CECR2: variants seen among roughly 807,000 people sequenced by gnomAD.
The protein encoded by CECR2 is CECR2 histone acetyl-lysine reader.
A neutral mutation model predicts 154.5 loss-of-function variants in CECR2; 30 were observed. That is an observed-to-expected ratio of 0.19 (90% CI 0.15 to 0.26). CECR2 has a LOEUF of 0.26. Ranked by LOEUF, CECR2 falls within the 10% of genes least tolerant of loss-of-function variation. The pLI, the probability that CECR2 is intolerant of heterozygous loss-of-function variation, is 1.00. For synonymous variants in CECR2, 725 were observed against 683.7 expected, an observed-to-expected ratio of 1.06 and a Z score of -0.94; for missense variants, 1,743 against 1,829.3, an observed-to-expected ratio of 0.95 and a Z score of 0.86.
At chr22:17,538,072 G>A (rs947475017) in intron 10 of CECR2, among the ~76,000 whole-genome samples, 7 of 151,502 alleles carry the variant, frequency 4.6e-5, no homozygotes, top group Admixed American at 1.3e-4. Flanking sequence ...ACAAAAACTC[G>A]CCAGGCATGG....
intron 1 of CECR2, among the ~76,000 whole-genome samples, chr22:17,417,641 C>T (rs2146590308): frequency 6.6e-6 from 1 of 152,174 alleles, no homozygotes; most frequent in South Asian, 2.1e-4. Context: ...TTTTTTGAGA[C>T]AGACCCTTGT....
chr22:17,510,760 C>T (rs2055932103), intron 7 of CECR2, among the ~76,000 whole-genome samples: 1 of 152,094 alleles, frequency 6.6e-6, no homozygotes, highest in South Asian at 2.1e-4. Context: ...CACCACCATG[C>T]CTGGCTAATT....
intron 1 of CECR2, among the ~76,000 whole-genome samples, chr22:17,394,194 C>T (rs1291570738): frequency 1.7e-5 from 2 of 117,278 alleles, no homozygotes; most frequent in Non-Finnish European, 3.5e-5. Flanking sequence ...GCTGCTGCCG[C>T]TGCTTTTTTT....
intron 2 of CECR2, among the ~76,000 whole-genome samples, chr22:17,495,751 A>T (rs1185060371): frequency 6.7e-6 from 1 of 148,606 alleles, no homozygotes. Flanking sequence ...AGTCCCAGCT[A>T]CTCGGGAGGC....
At position 17,511,836 on chromosome 22, in the gene CECR2, G is replaced by A; in HGVS notation, c.894G>A (p.Lys298=). The A allele has an allele frequency of 1.2e-6, 2 of 1,612,500 alleles. No individual in the cohort carries two copies. ...AQKGKRPQRT[K]AELHPRWMSD... ...AGGGAAAACGTCCACAGCGCACAAAGGCAGAGTTGCATCCTAGGTGGATGT... is the reference window on the plus strand; with the variant it reads ...AGGGAAAACGTCCACAGCGCACAAAAGCAGAGTTGCATCCTAGGTGGATGT... The change falls in exon 8 of 19, where the codon AAG becomes AAA. Residue 298 remains lysine, a synonymous_variant. Coordinates refer to ENST00000262608, the MANE Select transcript of CECR2 (RefSeq NM_001290047.2).
chr22:17,416,052 T>C (rs995118051), intron 1 of CECR2, among the ~76,000 whole-genome samples: 4 of 152,174 alleles, frequency 2.6e-5, no homozygotes, highest in Non-Finnish European at 5.9e-5. Flanking sequence ...ATTTTTGTGT[T>C]GGATTAAAAT....
At chr22:17,497,670 C>T (rs2146871429) in intron 3 of CECR2, 84 bp downstream of exon 3, 1 of 1,378,756 alleles carries the variant, frequency 7.3e-7, no homozygotes, top group Non-Finnish European at 1.0e-6. Flanking sequence ...CCCAAAGATA[C>T]TAAGCCAGAG....
Position 17,413,833 on chromosome 22 carries a change from C to G in CECR2, c.126+43924C>G, listed in dbSNP as rs531958006. Among the ~76,000 whole-genome samples, 22 of 150,854 alleles carry G rather than the reference C, an allele frequency of 1.5e-4. No individual in the cohort carries two copies. In the South Asian group the frequency reaches 4.6e-3, roughly 32 times the overall value. On this transcript the variant is annotated intron_variant, in intron 1 of 18. Coordinates refer to ENST00000262608, the MANE Select transcript of CECR2 (RefSeq NM_001290047.2). ...CTGGGACTACAAGTGCCTGCCACCACGGCCGGCTAATTTTTTTTTTTTTTT... is the reference window on the plus strand; with the variant it reads ...CTGGGACTACAAGTGCCTGCCACCAGGGCCGGCTAATTTTTTTTTTTTTTT...
chr22:17,523,097 G>T (rs1443788011), intron 8 of CECR2, among the ~76,000 whole-genome samples: 2 of 151,714 alleles, frequency 1.3e-5, no homozygotes, highest in African/African-American at 2.4e-5. Flanking sequence ...GTTTTGTTTT[G>T]TGTTTTTGAG....
intron 1 of CECR2, among the ~76,000 whole-genome samples, chr22:17,475,870 C>T (rs1308879957): frequency 6.6e-6 from 1 of 151,942 alleles, no homozygotes; most frequent in African/African-American, 2.4e-5. Flanking sequence ...TAGAACCTTC[C>T]TCTTGTGCTG....
chr22:17,540,342 ATAAAC>A (rs1450305903), intron 13 of CECR2, 65 bp from the exon 14 acceptor site: 1 of 1,342,270 alleles, frequency 7.5e-7, no homozygotes, highest in Non-Finnish European at 9.8e-7. Flanking sequence ...TATAGTTTCT[ATAAAC>A]TATAGTTTCT....
intron 1 of CECR2, among the ~76,000 whole-genome samples, chr22:17,387,833 A>G (rs970292431): frequency 3.3e-5 from 5 of 152,214 alleles, no homozygotes. Flanking sequence ...GTTTACTATC[A>G]TGACAACCAA....
In CECR2 at chr22:17,425,661, G is replaced by A. The variant is rs139778011; in HGVS notation, c.127-51927G>A. ...GGAATTAGCTTGGGCAGAGTTGATG[G>A]GTCTTAGAGGAGAAGCAGCATTCTA... On this transcript the variant is annotated intron_variant, in intron 1 of 18. Coordinates refer to ENST00000262608, the MANE Select transcript of CECR2 (RefSeq NM_001290047.2). 5.6e-4 allele frequency among the ~76,000 whole-genome samples: 86 copies of A among 152,220 alleles called. 1 individual carries two copies. The East Asian group carries it at 0.016, about 29-fold the overall frequency.
intron 1 of CECR2, chr22:17,419,781 G>C (rs2054217345): frequency 6.8e-6 from 2 of 295,598 alleles, no homozygotes; most frequent in African/African-American, 4.5e-5. Context: ...GGATAACAGA[G>C]AGGCATTGGT....
Position 17,552,961 on chromosome 22 carries a change from C to CGCCAT in CECR2, c.*121_*122insGCCAT. On this transcript the variant is annotated 3_prime_UTR_variant, in exon 19 of 19. Coordinates refer to ENST00000262608, the MANE Select transcript of CECR2 (RefSeq NM_001290047.2). ...CCTGCTCCACCCCTTCACGGCGACC[C>CGCCAT]ACTCGTGCCATACTTGAGCTGGAGC... The CGCCAT allele has an allele frequency of 6.7e-7, 1 of 1,501,320 alleles. No individual in the cohort carries two copies. Among genetic ancestry groups the CGCCAT allele is most frequent in the Non-Finnish European group, 8.9e-7 (1 of 1,127,740 alleles). The allele number at this position is 1,501,320 out of a possible 1,614,324, so 93.0% of individuals were successfully genotyped here. A position where few individuals can be genotyped will look rare whatever the true frequency, so the allele number is the denominator to read the frequency against.
At chr22:17,477,854 G>A (rs1377442482) in intron 2 of CECR2, among the ~76,000 whole-genome samples, 172 bp downstream of exon 2, 2 of 152,184 alleles carry the variant, frequency 1.3e-5, no homozygotes, top group African/African-American at 4.8e-5. Flanking sequence ...TTATTCTGCA[G>A]TTGGGTTTTT....
intron 1 of CECR2, among the ~76,000 whole-genome samples, chr22:17,403,907 G>C (rs1333236410): frequency 6.6e-6 from 1 of 152,000 alleles, no homozygotes; most frequent in Non-Finnish European, 1.5e-5. Context: ...AGTACTGATC[G>C]AAGTTGGTGG....
chr22:17,431,675 T>C (rs1375623458), intron 1 of CECR2, among the ~76,000 whole-genome samples: 1 of 152,180 alleles, frequency 6.6e-6, no homozygotes, highest in Non-Finnish European at 1.5e-5. Flanking sequence ...AACAGTATCA[T>C]TGGAGCATGA....
chr22:17,500,225 A>G (rs934963013), intron 4 of CECR2, among the ~76,000 whole-genome samples: 1 of 151,866 alleles, frequency 6.6e-6, no homozygotes, highest in African/African-American at 2.4e-5. Context: ...AAAAAAAAAA[A>G]AAGAATTTAA....
Sources: gnomAD v4.1 joint callset for allele counts (sites outside exome capture counted in the v4.1 genomes callset) on GRCh38, gnomAD v4.1.1 for gene constraint, MANE v1.5 for transcripts, NCBI Gene and HGNC (gene_info 2026-07-23, HGNC 2026-07-21) for gene names.